The following ULK4 variants were observed in gnomAD, a reference collection of about 807,000 sequenced individuals.
ULK4 encodes the protein unc-51 like kinase 4, also known as inactive serine/threonine-protein kinase ULK4.
ULK4 carries 133 observed loss-of-function variants against 160.6 expected under a neutral mutation model. The observed-to-expected ratio is 0.83, with a 90% CI of 0.72 to 0.96. The LOEUF (loss-of-function observed/expected upper bound fraction) is 0.96, where lower values mean the gene tolerates loss of function less well. Among genes scored for constraint, ULK4 ranks in the 40% least tolerant of loss-of-function variants. The pLI, the probability that ULK4 is intolerant of heterozygous loss-of-function variation, is 0.00. For synonymous variants in ULK4, 534 were observed against 539.8 expected (o/e 0.99, Z 0.15); for missense variants, 1,580 against 1,499.5 (o/e 1.05, Z -0.89).
intron 22 of ULK4, among the ~76,000 whole-genome samples, chr3:41,721,284 T>G (rs13063758): frequency 1.9e-5 from 1 of 52,544 alleles, no homozygotes; most frequent in East Asian, 5.3e-4. Flanking sequence ...TTTTTTTTTT[T>G]GGGTTTTGAA....
intron 22 of ULK4, among the ~76,000 whole-genome samples, chr3:41,741,013 A>C (rs181741391): frequency 6.6e-6 from 1 of 152,070 alleles, no homozygotes; most frequent in East Asian, 1.9e-4. Flanking sequence ...ACAATAATTT[A>C]TATTACTAAA....
At chr3:41,507,655 T>A (rs1023132187) in intron 32 of ULK4, among the ~76,000 whole-genome samples, 1 of 145,970 alleles carries the variant, frequency 6.9e-6, no homozygotes, top group Non-Finnish European at 1.5e-5. Flanking sequence ...ATTTTATTTT[T>A]ATCAACAAAA....
intron 35 of ULK4, among the ~76,000 whole-genome samples, chr3:41,254,589 T>TAGGAAA: frequency 6.6e-6 from 1 of 151,942 alleles, no homozygotes; most frequent in Non-Finnish European, 1.5e-5. Flanking sequence ...ATCAAGGAAC[T>TAGGAAA]AGGAAAAAAG....
intron 31 of ULK4, among the ~76,000 whole-genome samples, chr3:41,606,679 T>C (rs2032398266): frequency 6.6e-6 from 1 of 152,020 alleles, no homozygotes; most frequent in Non-Finnish European, 1.5e-5. Flanking sequence ...AGAAGTAAGA[T>C]TCTCATCACG....
intron 32 of ULK4, among the ~76,000 whole-genome samples, chr3:41,513,343 A>T (rs2085649532): frequency 6.6e-6 from 1 of 152,220 alleles, no homozygotes; most frequent in African/African-American, 2.4e-5. Context: ...CAATAGAAAT[A>T]ATCAGCAGAG....
intron 8 of ULK4, among the ~76,000 whole-genome samples, chr3:41,915,198 T>C (rs1698924498): frequency 6.6e-6 from 1 of 152,206 alleles, no homozygotes; most frequent in African/African-American, 2.4e-5. Context: ...AAAATAACAC[T>C]AATGTTGAAA....
chr3:41,675,118 T>C (rs929530533), intron 29 of ULK4, among the ~76,000 whole-genome samples: 20 of 151,646 alleles, frequency 1.3e-4, no homozygotes, highest in Non-Finnish European at 2.8e-4. Context: ...TGCACGCCTG[T>C]AGTCCCAGCC....
intron 36 of ULK4, among the ~76,000 whole-genome samples, chr3:41,248,848 G>C (rs992650383): frequency 6.6e-6 from 1 of 152,174 alleles, no homozygotes; most frequent in African/African-American, 2.4e-5. Context: ...ACATGCTCCT[G>C]GGTGATAGGC....
intron 25 of ULK4, among the ~76,000 whole-genome samples, chr3:41,706,349 ATATATATATATT>A (rs2036876692): frequency 7.0e-6 from 1 of 143,146 alleles, no homozygotes; most frequent in Admixed American, 7.0e-5. Flanking sequence ...AAACAAAATA[ATATATATATATT>A]TATATATATA....
chr3:41,454,143 T>C (rs1279675654), intron 34 of ULK4, among the ~76,000 whole-genome samples: 1 of 149,142 alleles, frequency 6.7e-6, no homozygotes, highest in African/African-American at 2.5e-5. Context: ...AACCTGCACA[T>C]TGTGCACATG....
intron 29 of ULK4, among the ~76,000 whole-genome samples, chr3:41,665,608 G>A (rs1333273321): frequency 6.6e-6 from 1 of 152,058 alleles, no homozygotes; most frequent in East Asian, 1.9e-4. Flanking sequence ...AAAACATACA[G>A]TATAATCAAG....
chr3:41,947,259 CGA>C (rs1700139894), intron 2 of ULK4, among the ~76,000 whole-genome samples: 1 of 152,062 alleles, frequency 6.6e-6, no homozygotes, highest in Non-Finnish European at 1.5e-5. Context: ...TGCGGTGAGC[CGA>C]GACTGTGCCA....
intron 22 of ULK4, among the ~76,000 whole-genome samples, chr3:41,737,428 G>A (rs1182211933): frequency 6.6e-6 from 1 of 151,796 alleles, no homozygotes; most frequent in Non-Finnish European, 1.5e-5. Flanking sequence ...TCATGAAAAT[G>A]GCCATACTGC....
chr3:41,871,959 A>G (rs552266975), intron 17 of ULK4, among the ~76,000 whole-genome samples: 5 of 152,312 alleles, frequency 3.3e-5, no homozygotes, highest in African/African-American at 9.6e-5. Flanking sequence ...ACAATATATA[A>G]TAAAGACTCT....
At chr3:41,317,367 G>A (rs1366211300) in intron 35 of ULK4, among the ~76,000 whole-genome samples, 2 of 152,038 alleles carry the variant, frequency 1.3e-5, no homozygotes, top group African/African-American at 4.8e-5. Context: ...GAGCCACCGC[G>A]CCCGGCCAAT....
intron 29 of ULK4, among the ~76,000 whole-genome samples, chr3:41,665,203 T>G (rs2035314520): frequency 6.6e-6 from 1 of 152,200 alleles, no homozygotes; most frequent in South Asian, 2.1e-4. Flanking sequence ...ACTCTCATTT[T>G]GGAAATCATT....
intron 22 of ULK4, 122 bp downstream of exon 22, chr3:41,754,239 G>A (rs2038720088): frequency 1.8e-6 from 2 of 1,094,622 alleles, no homozygotes; most frequent in African/African-American, 3.2e-5. Context: ...GAAATATTAA[G>A]CCCCTGGAAA....
chr3:41,525,683 G>C (rs983374818), intron 32 of ULK4, among the ~76,000 whole-genome samples: 1 of 152,182 alleles, frequency 6.6e-6, no homozygotes, highest in African/African-American at 2.4e-5. Flanking sequence ...ACTCTCACTG[G>C]AATATGTCAT....
intron 35 of ULK4, among the ~76,000 whole-genome samples, chr3:41,350,795 T>C (rs2080894501): frequency 6.6e-6 from 1 of 152,196 alleles, no homozygotes; most frequent in Non-Finnish European, 1.5e-5. Flanking sequence ...GCCAGAAATG[T>C]GCAGATTTCT....
Sources: gnomAD v4.1 joint callset for allele counts (sites outside exome capture counted in the v4.1 genomes callset) on GRCh38, gnomAD v4.1.1 for gene constraint, MANE v1.5 for transcripts, NCBI Gene and HGNC (gene_info 2026-07-23, HGNC 2026-07-21) for gene names.